The following FAM114A1 variants were observed in gnomAD, a reference collection of about 807,000 sequenced individuals.
FAM114A1 encodes protein NOXP20.
Under a neutral mutation model 64.3 loss-of-function variants are expected in FAM114A1, and 62 were observed. The observed-to-expected ratio is 0.96, with a 90% confidence interval of 0.79 to 1.19. The LOEUF (loss-of-function observed/expected upper bound fraction) is 1.19, where lower values mean the gene tolerates loss of function less well. Among genes scored for constraint, FAM114A1 ranks in the 50% most tolerant of loss-of-function variants. The pLI is 0.00. For synonymous variants in FAM114A1, 254 were observed against 251.1 expected (o/e 1.01, Z -0.11); for missense variants, 645 against 676.3 (o/e 0.95, Z 0.51).
chr4:38,892,047 A>T (rs1319258152), intron 4 of FAM114A1, among the ~76,000 whole-genome samples: 1 of 152,256 alleles, frequency 6.6e-6, no homozygotes, highest in Non-Finnish European at 1.5e-5. Context: ...CTTTACAGGT[A>T]AGGAAGCTAA....
rs184106936 is a variant in FAM114A1, at chr4:38,921,296, G to A, written c.946-1474G>A. On this transcript the variant is annotated intron_variant, in intron 8 of 14. Transcript: ENST00000358869. ...ATAATGTTCTGTTTTTTTTGAAACAGGATCTTGCTGGAGTGCAGTGGCACA... is the reference window on the plus strand; with the variant it reads ...ATAATGTTCTGTTTTTTTTGAAACAAGATCTTGCTGGAGTGCAGTGGCACA... Among the ~76,000 whole-genome samples the A allele has an allele frequency of 1.5e-3, 222 of 152,184 alleles. No individual in the cohort carries two copies. The Middle Eastern group carries it at 0.044, about 30-fold the overall frequency.
chr4:38,874,018 G>A (rs2109525530), intron 2 of FAM114A1, among the ~76,000 whole-genome samples: 1 of 152,294 alleles, frequency 6.6e-6, no homozygotes, highest in South Asian at 2.1e-4. Flanking sequence ...ATGAGAATAG[G>A]AGTAAAAGAA....
chr4:38,941,835 A>G lies in FAM114A1; in HGVS notation c.1590+814A>G, dbSNP rs201550512. On this transcript the variant is annotated intron_variant, in intron 14 of 14. Coordinates refer to ENST00000358869, the MANE Select transcript of FAM114A1 (RefSeq NM_138389.4). ...ATTTTGCTTTCTGAAGTGGCTGTCC[A>G]TTGCAAAATTTGGAAATTACAAAAG... Among the ~76,000 whole-genome samples the G allele has an allele frequency of 5.4e-4, 83 of 152,350 alleles. No homozygotes were observed. In the East Asian group the frequency reaches 0.011, roughly 19 times the overall value.
At chr4:38,882,158 AAAAATTAGC>A (rs1715335713) in intron 3 of FAM114A1, among the ~76,000 whole-genome samples, 1 of 147,388 alleles carries the variant, frequency 6.8e-6, no homozygotes, top group Non-Finnish European at 1.5e-5. Flanking sequence ...TAAAAATACA[AAAAATTAGC>A]CGGGCGCGGT....
intron 13 of FAM114A1, among the ~76,000 whole-genome samples, chr4:38,939,410 C>T (rs773670410): frequency 6.6e-6 from 1 of 152,176 alleles, no homozygotes; most frequent in Non-Finnish European, 1.5e-5. Flanking sequence ...GTATTGCTCT[C>T]TAGACTCTAT....
chr4:38,878,082 T>A lies in FAM114A1; in HGVS notation c.4T>A (p.Ser2Thr). ...AATTGTGTTGACAGATACTAAAATG[T>A]CTGATGATGCTGGTGACACCTTAGC... M[S>T]DDAGDTLATG... is the part of the protein sequence containing the mutation. The change falls in exon 3 of 15, where the codon TCT becomes ACT. Residue 2 changes from serine (S) to threonine (T), a missense_variant. Transcript: ENST00000358869. The A allele has an allele frequency of 8.1e-6, 13 of 1,601,094 alleles. No homozygotes were observed. Among genetic ancestry groups the A allele is most frequent in the Non-Finnish European group, 1.1e-5 (13 of 1,171,852 alleles).
chr4:38,940,706 CT>C (rs1399827659), intron 13 of FAM114A1, among the ~76,000 whole-genome samples: 1 of 152,182 alleles, frequency 6.6e-6, no homozygotes, highest in Non-Finnish European at 1.5e-5. Context: ...AAGCAAGTTA[CT>C]CAACCTTTCT....
chr4:38,875,143 C>T (rs1714485738), intron 2 of FAM114A1, among the ~76,000 whole-genome samples: 1 of 151,626 alleles, frequency 6.6e-6, no homozygotes, highest in African/African-American at 2.4e-5. Context: ...CTTAGGAATG[C>T]TTTGTCTATT....
intron 11 of FAM114A1, 45 bp from the exon 12 acceptor site, chr4:38,932,190 C>A: frequency 6.4e-7 from 1 of 1,555,502 alleles, no homozygotes; most frequent in Admixed American, 2.2e-5. Context: ...TTTAAAAAAG[C>A]ATCTGCTCAG....
chr4:38,872,603 T>C (rs1360338163), intron 2 of FAM114A1, among the ~76,000 whole-genome samples: 1 of 152,234 alleles, frequency 6.6e-6, no homozygotes, highest in Non-Finnish European at 1.5e-5. Context: ...TATCATTTAT[T>C]CATGAACCCA....
chr4:38,905,591 C>T lies in FAM114A1; in HGVS notation c.506C>T (p.Ser169Phe). The change falls in exon 5 of 15, where the codon TCT becomes TTT. Residue 169 changes from serine to phenylalanine, a missense_variant. Coordinates refer to ENST00000358869, the MANE Select transcript of FAM114A1 (RefSeq NM_138389.4). Reference protein sequence around the residue: ...TLRIHGVNSGSSEGAQPNTEN... With the variant: ...TLRIHGVNSGFSEGAQPNTEN... ...CGGATTCATGGTGTAAATTCTGGAT[C>T]TTCTGAAGGAGCCCAACCAAATACT... 6.2e-7 allele frequency: 1 copy of T among 1,614,176 alleles called. No homozygotes were observed. Among genetic ancestry groups the T allele is most frequent in the Non-Finnish European group, 8.5e-7 (1 of 1,180,028 alleles).
intron 6 of FAM114A1, among the ~76,000 whole-genome samples, chr4:38,907,124 T>C (rs1259806542): frequency 2.0e-5 from 3 of 152,124 alleles, no homozygotes; most frequent in Non-Finnish European, 2.9e-5. Flanking sequence ...GCCAGAAATA[T>C]AGAAAATGAC....
In FAM114A1 at chr4:38,931,601, A is replaced by G; in HGVS notation, c.1312A>G (p.Lys438Glu). 6.2e-7 allele frequency: 1 copy of G among 1,612,848 alleles called. No individual in the cohort carries two copies. ...AGACAAAAAGGAGGAAAAGAAAACT[A>G]AGACCATAGAGGTAAATTCATTCTA... ...QEDKKEEKKT[K>E]TIEEVYMSSI... Residue 438 changes from lysine to glutamate, a missense_variant, in exon 11 of 15, where the codon AAG becomes GAG. Coordinates refer to ENST00000358869, the MANE Select transcript of FAM114A1 (RefSeq NM_138389.4).
At chr4:38,903,207 C>G (rs1717672625) in intron 4 of FAM114A1, among the ~76,000 whole-genome samples, 1 of 152,132 alleles carries the variant, frequency 6.6e-6, no homozygotes, top group Non-Finnish European at 1.5e-5. Context: ...GTATTTCCTT[C>G]TAGTAACAAA....
In FAM114A1 at chr4:38,944,263, G is replaced by T. The variant is rs1212487359; in HGVS notation, c.*706G>T. The T allele has an allele frequency of 4.0e-5, 6 of 151,844 alleles. No individual in the cohort carries two copies. The highest frequency in any genetic ancestry group is 3.9e-4 in the Admixed American group (6 of 15,234). The allele number at this position is 151,844 out of a possible 1,614,324, so 9.4% of individuals were successfully genotyped here. A position where few individuals can be genotyped will look rare whatever the true frequency, so the allele number is the denominator to read the frequency against. On this transcript the variant is annotated 3_prime_UTR_variant, in exon 15 of 15. Transcript: ENST00000358869. Reference sequence around the variant, plus strand: ...TTTTTTGTATTTTTAGTAGAGACAGGGTTTCACCATGTTGGCCAGGATGGT... The same window carrying T: ...TTTTTTGTATTTTTAGTAGAGACAGTGTTTCACCATGTTGGCCAGGATGGT...
intron 9 of FAM114A1, among the ~76,000 whole-genome samples, chr4:38,926,757 T>A (rs1720143335): frequency 6.6e-6 from 1 of 152,102 alleles, no homozygotes; most frequent in South Asian, 2.1e-4. Context: ...TGCCAGGCCC[T>A]CTCTATCTAT....
At chr4:38,915,198 C>T in intron 8 of FAM114A1, 125 bp downstream of exon 8, 2 of 1,209,096 alleles carry the variant, frequency 1.7e-6, no homozygotes, top group Non-Finnish European at 2.3e-6. Context: ...GTGCTGAGGT[C>T]AGAAATACTG....
chr4:38,941,132 C>A, intron 14 of FAM114A1, 111 bp downstream of exon 14: 1 of 943,910 alleles, frequency 1.1e-6, no homozygotes, highest in Non-Finnish European at 1.6e-6. Context: ...AATTCTGAAT[C>A]TCATCATCAG....
intron 6 of FAM114A1, among the ~76,000 whole-genome samples, chr4:38,906,897 A>T (rs1168903482): frequency 6.6e-6 from 1 of 152,158 alleles, no homozygotes; most frequent in Non-Finnish European, 1.5e-5. Context: ...TCATTCATTC[A>T]TTCATTCATT....
Sources: allele counts gnomAD v4.1 joint callset (sites outside exome capture counted in the v4.1 genomes callset), GRCh38; gene constraint gnomAD v4.1.1; transcripts MANE v1.5; gene names NCBI Gene and HGNC (gene_info 2026-07-23, HGNC 2026-07-21).